Variants in CSTPP1 observed in about 807,000 individuals in gnomAD.
The protein encoded by CSTPP1 is UPF0705 protein C11orf49.
At chr11:47,148,476 ACCT>A in the CSTPP1 span, among the ~76,000 whole-genome samples, 219 of 152,136 alleles carry the variant, frequency 1.4e-3, 1 homozygote, top group African/African-American at 4.9e-3. Flanking sequence ...TAGTCATGTG[ACCT>A]CCTCAAAGAA....
the CSTPP1 span, among the ~76,000 whole-genome samples, chr11:47,163,004 A>G: frequency 2.0e-5 from 3 of 151,846 alleles, no homozygotes; most frequent in African/African-American, 7.3e-5. Context: ...ACATAGTAGG[A>G]CCCTATCTCT....
the CSTPP1 span, among the ~76,000 whole-genome samples, chr11:47,133,084 A>G: frequency 1.3e-5 from 2 of 152,184 alleles, no homozygotes; most frequent in South Asian, 2.1e-4. Context: ...CTTAAAAGTC[A>G]AGTAACTTGA....
the CSTPP1 span, among the ~76,000 whole-genome samples, chr11:46,997,740 G>A: frequency 6.6e-6 from 1 of 152,134 alleles, no homozygotes; most frequent in African/African-American, 2.4e-5. Flanking sequence ...TGGGGTTTTG[G>A]TGTGGATGCC....
At chr11:47,140,266 A>C in the CSTPP1 span, among the ~76,000 whole-genome samples, 1 of 152,240 alleles carries the variant, frequency 6.6e-6, no homozygotes, top group Non-Finnish European at 1.5e-5. Context: ...TTTATCTGCT[A>C]TCCAAAGGAG....
At chr11:47,117,561 C>T in the CSTPP1 span, among the ~76,000 whole-genome samples, 2 of 152,158 alleles carry the variant, frequency 1.3e-5, no homozygotes, top group African/African-American at 2.4e-5. Context: ...CTTCCCTTAA[C>T]ACTTTTTCCT....
the CSTPP1 span, among the ~76,000 whole-genome samples, chr11:46,987,017 A>G: frequency 1.3e-5 from 2 of 152,340 alleles, no homozygotes; most frequent in South Asian, 2.1e-4. Context: ...TCATCTCCCA[A>G]TCTATCCTTT....
At chr11:47,152,811 G>C in the CSTPP1 span, among the ~76,000 whole-genome samples, 7 of 152,196 alleles carry the variant, frequency 4.6e-5, no homozygotes, top group African/African-American at 1.7e-4. Flanking sequence ...CATGGAACAC[G>C]GGGAAAGCCT....
At chr11:46,973,792 G>GTGTGTGTGTC in the CSTPP1 span, among the ~76,000 whole-genome samples, 78 of 151,822 alleles carry the variant, frequency 5.1e-4, no homozygotes, top group African/African-American at 1.9e-3. Flanking sequence ...GTGTGTGTGT[G>GTGTGTGTGTC]TGTGTGTCTG....
At chr11:47,003,149 A>G in the CSTPP1 span, among the ~76,000 whole-genome samples, 2 of 152,246 alleles carry the variant, frequency 1.3e-5, no homozygotes, top group East Asian at 3.8e-4. Flanking sequence ...TGTCTCTACA[A>G]GAAGAATAAG....
the CSTPP1 span, among the ~76,000 whole-genome samples, chr11:46,939,011 A>C: frequency 0.021 from 3,178 of 151,320 alleles, 52 homozygotes; most frequent in Non-Finnish European, 0.032. Flanking sequence ...TCCAGGGCTC[A>C]AGCAAGCCTC....
the CSTPP1 span, among the ~76,000 whole-genome samples, chr11:47,091,208 G>A: frequency 1.3e-5 from 2 of 151,146 alleles, no homozygotes; most frequent in East Asian, 2.0e-4. Context: ...TAGCTAACAC[G>A]GTGAAACCCC....
chr11:47,148,716 G>A, the CSTPP1 span, among the ~76,000 whole-genome samples: 9 of 152,180 alleles, frequency 5.9e-5, no homozygotes, highest in African/African-American at 2.2e-4. Context: ...CTCATTCTGA[G>A]CACCTGTTAG....
At chr11:47,035,284 C>G in the CSTPP1 span, among the ~76,000 whole-genome samples, 1 of 152,184 alleles carries the variant, frequency 6.6e-6, no homozygotes, top group Non-Finnish European at 1.5e-5. Context: ...TGAATTTTCT[C>G]TGTTTCTTGG....
the CSTPP1 span, among the ~76,000 whole-genome samples, chr11:47,140,178 A>G: frequency 2.0e-5 from 3 of 152,054 alleles, no homozygotes; most frequent in East Asian, 5.8e-4. Flanking sequence ...TTTCTCCCTC[A>G]TTATTCAGTG....
At chr11:47,157,086 T>C in the CSTPP1 span, 8 of 1,614,078 alleles carry the variant, frequency 5.0e-6, no homozygotes, top group Non-Finnish European at 6.8e-6. Context: ...CCCAACACAG[T>C]GATTGTGCCG....
the CSTPP1 span, among the ~76,000 whole-genome samples, chr11:46,976,617 G>A: frequency 6.6e-6 from 1 of 152,176 alleles, no homozygotes; most frequent in African/African-American, 2.4e-5. Flanking sequence ...GACAATGTAA[G>A]TTGAGTACAT....
chr11:46,955,999 C>G, the CSTPP1 span, among the ~76,000 whole-genome samples: 26 of 112,108 alleles, frequency 2.3e-4, no homozygotes, highest in South Asian at 3.1e-4. Flanking sequence ...CCCCCCCCCC[C>G]ACCAAAAAAA....
the CSTPP1 span, among the ~76,000 whole-genome samples, chr11:47,099,566 T>G: frequency 6.6e-6 from 1 of 152,222 alleles, no homozygotes; most frequent in Non-Finnish European, 1.5e-5. Context: ...AGGAGACGTC[T>G]TTCTTATAAA....
chr11:47,079,111 G>C, the CSTPP1 span, among the ~76,000 whole-genome samples: 1 of 152,166 alleles, frequency 6.6e-6, no homozygotes, highest in Admixed American at 6.5e-5. Context: ...AGGTTTTCTT[G>C]TGGGACACTT....
Sources: allele counts gnomAD v4.1 joint callset (sites outside exome capture counted in the v4.1 genomes callset), GRCh38; gene constraint gnomAD v4.1.1; transcripts MANE v1.5; gene names NCBI Gene and HGNC (gene_info 2026-07-23, HGNC 2026-07-21).